CNTNAP2: variants seen among roughly 807,000 people sequenced by gnomAD.
The protein encoded by CNTNAP2 is contactin associated protein 2.
CNTNAP2 carries 98 observed loss-of-function variants against 155.2 expected under a neutral mutation model. The observed-to-expected ratio is 0.63, with a 90% CI of 0.54 to 0.75. The LOEUF (loss-of-function observed/expected upper bound fraction) is 0.75, where lower values mean the gene tolerates loss of function less well. CNTNAP2 is among the 30% of genes least tolerant of loss of function. The pLI is 0.00. For synonymous variants in CNTNAP2, 651 were observed against 631.2 expected, an observed-to-expected ratio of 1.03 and a Z score of -0.47; for missense variants, 1,727 against 1,688.1, an observed-to-expected ratio of 1.02 and a Z score of -0.40.
intron 1 of CNTNAP2, among the ~76,000 whole-genome samples, chr7:146,193,396 C>G (rs927078821): frequency 1.1e-4 from 16 of 152,344 alleles, no homozygotes; most frequent in African/African-American, 3.4e-4. Context: ...TCCATAAGGC[C>G]TCTGAAATCC....
chr7:146,588,948 A>T (rs888678906), intron 1 of CNTNAP2, among the ~76,000 whole-genome samples: 4 of 142,370 alleles, frequency 2.8e-5, no homozygotes, highest in African/African-American at 9.8e-5. Flanking sequence ...AAACTGCTTT[A>T]CATTTCAGTT....
rs186559443 is a variant in CNTNAP2, at chr7:147,379,881, C to A, written c.1499-15728C>A. Among the ~76,000 whole-genome samples the A allele has an allele frequency of 2.6e-5, 4 of 152,156 alleles. No homozygotes were observed. In the East Asian group the frequency reaches 7.7e-4, roughly 29 times the overall value. On this transcript the variant is annotated intron_variant, in intron 9 of 23. Coordinates refer to ENST00000361727, the MANE Select transcript of CNTNAP2 (RefSeq NM_014141.6). Reference sequence around the variant, plus strand: ...AGTAAATACCCTCTGACTACTATAGCCCACCATCAGCTAACACCCTGAATT... The same window carrying A: ...AGTAAATACCCTCTGACTACTATAGACCACCATCAGCTAACACCCTGAATT...
chr7:148,085,613 C>A (rs900611211), intron 15 of CNTNAP2, among the ~76,000 whole-genome samples: 11 of 152,114 alleles, frequency 7.2e-5, no homozygotes, highest in African/African-American at 1.2e-4. Context: ...AATTTTCATT[C>A]ATTTTATAAT....
At chr7:148,411,730 A>C (rs1799842699) in intron 23 of CNTNAP2, among the ~76,000 whole-genome samples, 1 of 151,916 alleles carries the variant, frequency 6.6e-6, no homozygotes, top group African/African-American at 2.4e-5. Flanking sequence ...GTGAGAGAAG[A>C]GTCAACGTCA....
intron 1 of CNTNAP2, among the ~76,000 whole-genome samples, chr7:146,345,267 C>T (rs1345489173): frequency 6.6e-6 from 1 of 152,092 alleles, no homozygotes; most frequent in Non-Finnish European, 1.5e-5. Context: ...CTCATATGTT[C>T]TAATCACTTT....
At chr7:147,857,962 G>T (rs1234079783) in intron 13 of CNTNAP2, among the ~76,000 whole-genome samples, 1 of 152,170 alleles carries the variant, frequency 6.6e-6, no homozygotes, top group African/African-American at 2.4e-5. Flanking sequence ...AGCCTTTCCA[G>T]TTCTAACTAC....
chr7:147,917,155 T>G (rs112786586), intron 14 of CNTNAP2, among the ~76,000 whole-genome samples: 2 of 152,210 alleles, frequency 1.3e-5, no homozygotes, highest in Non-Finnish European at 2.9e-5. Flanking sequence ...ATCACTGGCT[T>G]CACATTAGAA....
intron 13 of CNTNAP2, among the ~76,000 whole-genome samples, chr7:147,775,311 A>T (rs1283302895): frequency 3.1e-5 from 1 of 31,752 alleles, no homozygotes; most frequent in Non-Finnish European, 4.7e-5. Flanking sequence ...ATATTTATAA[A>T]TATATATATA....
At chr7:147,473,698 A>G (rs1000993729) in intron 10 of CNTNAP2, among the ~76,000 whole-genome samples, 2 of 152,206 alleles carry the variant, frequency 1.3e-5, no homozygotes, top group African/African-American at 4.8e-5. Flanking sequence ...CACAGATAAG[A>G]ATATTTATGC....
intron 13 of CNTNAP2, among the ~76,000 whole-genome samples, chr7:147,703,497 C>G (rs1037851713): frequency 1.3e-5 from 2 of 152,098 alleles, no homozygotes; most frequent in Non-Finnish European, 2.9e-5. Context: ...ATTATTAGGT[C>G]TATAATTTAG....
At position 147,874,870 on chromosome 7, in the gene CNTNAP2, G is replaced by A. The variant is rs193129268; in HGVS notation, c.2099-28695G>A. The stretch of plus-strand genomic sequence containing the variant: ...TTATCTCACTCAAGTTCAAAGTTCC[G>A]CAGATCTCTAGGGCAGGGGCAAAAT... On this transcript the variant is annotated intron_variant, in intron 13 of 23. Transcript: ENST00000361727. Among the ~76,000 whole-genome samples, 31 of 152,198 alleles carry A rather than the reference G, an allele frequency of 2.0e-4. No homozygotes were observed. In the East Asian group the frequency reaches 2.3e-3, roughly 11 times the overall value.
At chr7:147,686,347 G>A (rs1288576334) in intron 13 of CNTNAP2, among the ~76,000 whole-genome samples, 2 of 151,974 alleles carry the variant, frequency 1.3e-5, no homozygotes, top group African/African-American at 4.8e-5. Context: ...GAAGGCTTGG[G>A]GGAAATGTCA....
chr7:146,562,823 A>G (rs1798300222), intron 1 of CNTNAP2, among the ~76,000 whole-genome samples: 2 of 152,160 alleles, frequency 1.3e-5, no homozygotes. Context: ...AATTCAATCA[A>G]TTGATTGAAA....
intron 1 of CNTNAP2, among the ~76,000 whole-genome samples, chr7:146,702,543 C>T (rs915104320): frequency 7.2e-5 from 11 of 152,232 alleles, no homozygotes; most frequent in African/African-American, 2.6e-4. Flanking sequence ...CCATTAGCCA[C>T]ATGTGGCCAG....
intron 13 of CNTNAP2, among the ~76,000 whole-genome samples, chr7:147,879,170 A>G (rs1336461182): frequency 2.6e-5 from 4 of 152,208 alleles, no homozygotes; most frequent in Non-Finnish European, 5.9e-5. Flanking sequence ...GCAAATTGAT[A>G]CACAGGGGAT....
At chr7:148,328,366 G>A (rs567091626) in intron 21 of CNTNAP2, among the ~76,000 whole-genome samples, 2 of 152,284 alleles carry the variant, frequency 1.3e-5, no homozygotes, top group East Asian at 3.9e-4. Flanking sequence ...AAAGTTGGCA[G>A]CAGGGACAAA....
At chr7:146,235,759 G>A (rs1799462739) in intron 1 of CNTNAP2, among the ~76,000 whole-genome samples, 1 of 152,128 alleles carries the variant, frequency 6.6e-6, no homozygotes, top group Admixed American at 6.6e-5. Context: ...GGCTATGGGG[G>A]CAGAGATGGA....
chr7:146,502,256 T>A (rs1447113149), intron 1 of CNTNAP2, among the ~76,000 whole-genome samples: 1 of 126,684 alleles, frequency 7.9e-6, no homozygotes, highest in African/African-American at 3.8e-5. Flanking sequence ...TATATATATA[T>A]ATATGTCATA....
At chr7:147,747,799 A>G (rs1055120339) in intron 13 of CNTNAP2, among the ~76,000 whole-genome samples, 1 of 152,180 alleles carries the variant, frequency 6.6e-6, no homozygotes, top group Admixed American at 6.5e-5. Flanking sequence ...TGACAACTTA[A>G]TTACAATATT....
Sources: allele counts gnomAD v4.1 joint callset (sites outside exome capture counted in the v4.1 genomes callset), GRCh38; gene constraint gnomAD v4.1.1; transcripts MANE v1.5; gene names NCBI Gene and HGNC (gene_info 2026-07-23, HGNC 2026-07-21).